Variants in PCID2 observed in about 807,000 individuals in gnomAD.
PCID2 encodes PCI domain-containing protein 2.
In PCID2, 41 loss-of-function variants were observed where a neutral mutation model predicts 61.3. The observed-to-expected ratio is 0.67, with a 90% CI of 0.52 to 0.87. The LOEUF (loss-of-function observed/expected upper bound fraction) is 0.87. Among genes scored for constraint, PCID2 ranks in the 40% least tolerant of loss-of-function variants. The probability of loss-of-function intolerance (pLI) is 0.00; values close to 1 mark genes in which losing one functional copy is unlikely to be tolerated. For synonymous variants in PCID2, 187 were observed against 177.8 expected (o/e 1.05, Z -0.41); for missense variants, 392 against 493.4 (o/e 0.79, Z 1.95).
At chr13:113,184,306 T>C (rs367757904) in intron 9 of PCID2, 40 bp downstream of exon 9, 90 of 1,558,552 alleles carry the variant, frequency 5.8e-5, no homozygotes, top group Non-Finnish European at 7.0e-5. Context: ...GAATGCAATG[T>C]CTTATTTAAA....
chr13:113,197,302 C>T, intron 3 of PCID2, 59 bp from the exon 4 acceptor site: 1 of 1,198,066 alleles, frequency 8.3e-7, no homozygotes, highest in Non-Finnish European at 1.2e-6. Flanking sequence ...AGTTATGCAG[C>T]CCACACAGCT....
At chr13:113,190,750 G>T in intron 7 of PCID2, 122 bp downstream of exon 7, 1 of 509,308 alleles carries the variant, frequency 2.0e-6, no homozygotes, top group South Asian at 3.8e-5. Flanking sequence ...AATGGTTGTG[G>T]GATTATAGCA....
At chr13:113,170,934 T>C in the PCID2 span, among the ~76,000 whole-genome samples, 2 of 151,964 alleles carry the variant, frequency 1.3e-5, no homozygotes, top group Admixed American at 6.6e-5. Flanking sequence ...CTTTCTTTTT[T>C]TTTTTTGAGA....
chr13:113,166,979 C>A, the PCID2 span, among the ~76,000 whole-genome samples: 4 of 152,202 alleles, frequency 2.6e-5, no homozygotes, highest in Non-Finnish European at 5.9e-5. Flanking sequence ...AGACAGAGGA[C>A]ACTGACTTAG....
chr13:113,190,742 T>C lies in PCID2; in HGVS notation c.467+130A>G, dbSNP rs149515119. On this transcript the variant is annotated intron_variant, in intron 7 of 13. Transcript: ENST00000337344. ...CAACTTTTTAAAGCAAAAATAACAA[T>C]GGTTGTGGGATTATAGCATGTGTAG... 2.3e-3 allele frequency: 1,114 copies of C among 474,966 alleles called. 7 individuals carry two copies. The highest frequency in any genetic ancestry group is 0.016 in the African/African-American group (810 of 49,858). 29.4% of individuals were successfully genotyped at this position (474,966 alleles called of 1,614,324 possible). A position where few individuals can be genotyped will look rare whatever the true frequency, so the allele number is the denominator to read the frequency against.
At chr13:113,189,972 G>A (rs945188173) in intron 7 of PCID2, among the ~76,000 whole-genome samples, 10 of 151,734 alleles carry the variant, frequency 6.6e-5, no homozygotes, top group Admixed American at 4.6e-4. Context: ...GCAGTGAGCT[G>A]AGATGGCACC....
At position 113,180,237 on chromosome 13, in the gene PCID2, A is replaced by C. The variant is rs1208438507; in HGVS notation, c.787-6T>G. The C allele has an allele frequency of 6.2e-7, 1 of 1,606,992 alleles. No homozygotes were observed. The highest frequency in any genetic ancestry group is 8.5e-7 in the Non-Finnish European group (1 of 1,173,690). ...TCCACAGTGGGCATGTGACCCTAAGAGTCAATTTTCCAGAATGAAAATGCT... is the reference window on the plus strand; with the variant it reads ...TCCACAGTGGGCATGTGACCCTAAGCGTCAATTTTCCAGAATGAAAATGCT... On this transcript the variant is annotated splice_polypyrimidine_tract_variant and splice_region_variant and intron_variant, in intron 10 of 13. Transcript: ENST00000337344.
chr13:113,172,114 C>T, the PCID2 span: 1 of 1,611,964 alleles, frequency 6.2e-7, no homozygotes, highest in East Asian at 2.2e-5. Context: ...AACTGAAACT[C>T]AGCTAGCCAG....
At chr13:113,169,503 G>A in the PCID2 span, among the ~76,000 whole-genome samples, 3 of 152,138 alleles carry the variant, frequency 2.0e-5, no homozygotes, top group Non-Finnish European at 4.4e-5. Flanking sequence ...ATTTTATCCT[G>A]TTAGGTGCTG....
chr13:113,190,305 G>A (rs2038505875), intron 7 of PCID2, among the ~76,000 whole-genome samples: 1 of 149,028 alleles, frequency 6.7e-6, no homozygotes, highest in African/African-American at 2.5e-5. Flanking sequence ...GAAAATCATA[G>A]CCAGAGGAAA....
Position 113,178,248 on chromosome 13 carries a change from G to C in PCID2, c.1150C>G (p.Leu384Val), listed in dbSNP as rs764076343. 1.2e-6 allele frequency: 2 copies of C among 1,613,688 alleles called. No homozygotes were observed. Among genetic ancestry groups the C allele is most frequent in the Admixed American group, 1.7e-5 (1 of 59,994 alleles). ...KGYISHQHQK[L>V]VVSKQNPFPP... is the part of the protein sequence containing the mutation. ...AATGGGTTCTGCTTGCTGACCACCA[G>C]CTTCTGATGCTGATGCGATATGTAG... The change falls in exon 14 of 14, where the codon CTG becomes GTG. Residue 384 changes from leucine to valine, a missense_variant. Physicochemically the swap from Leu to Val is conservative, Grantham distance 32. Transcript: ENST00000337344.
In PCID2 at chr13:113,180,000, G is replaced by C; in HGVS notation, c.903C>G (p.His301Gln). ...TTCCGCAGCGAATGAAGAAGGCCTC[G>C]TGCTTCGCCAGCGCCTCGTGCAGCA... is the stretch of plus-strand genomic sequence containing the variant. Reference protein sequence around the residue: ...LLLLHEALAKHEAFFIRCGIF... With the variant: ...LLLLHEALAKQEAFFIRCGIF... The change falls in exon 12 of 14, where the codon CAC (histidine) becomes CAG (glutamine). Residue 301 changes from histidine to glutamine, a missense_variant. His to Gln is a conservative substitution (Grantham distance 24, BLOSUM62 0). This residue lies in a region of PCID2 where 226 missense variants were observed against 296.5 expected (regional missense o/e 0.76). Transcript: ENST00000337344. The surrounding 1 kb of genome is among the most constrained non-coding windows in gnomAD (Gnocchi z 4.3). The C allele has an allele frequency of 6.2e-7, 1 of 1,614,118 alleles. No individual in the cohort carries two copies. Among genetic ancestry groups the C allele is most frequent in the Non-Finnish European group, 8.5e-7 (1 of 1,179,996 alleles).
chr13:113,187,884 T>C (rs2038258441), intron 7 of PCID2: 1 of 152,206 alleles, frequency 6.6e-6, no homozygotes, highest in African/African-American at 2.4e-5. Context: ...GCTTTTGTTG[T>C]CGTATCTGAG....
intron 5 of PCID2, 104 bp downstream of exon 5, chr13:113,196,077 T>C (rs2038990993): frequency 8.6e-6 from 7 of 813,352 alleles, no homozygotes; most frequent in Non-Finnish European, 1.5e-5. Flanking sequence ...TTACCAAATA[T>C]CCACATGGAA....
At position 113,178,986 on chromosome 13, in the gene PCID2, G is replaced by A. The variant is rs1766677653; in HGVS notation, c.1090C>T (p.Leu364=). ...CACACCATGTATATCAAGTTAGCCAGAATACACTGAACTTCGTCAATGTCC... is the reference window on the plus strand; with the variant it reads ...CACACCATGTATATCAAGTTAGCCAAAATACACTGAACTTCGTCAATGTCC... ...DVDIDEVQCI[L]ANLIYMGHVK... Residue 364 remains leucine (L), a synonymous_variant, in exon 13 of 14, where the codon CTG becomes TTG. Coordinates refer to ENST00000337344, the MANE Select transcript of PCID2 (RefSeq NM_001127202.4). 1.2e-6 allele frequency: 2 copies of A among 1,613,762 alleles called. No individual in the cohort carries two copies. The highest frequency in any genetic ancestry group is 1.7e-6 in the Non-Finnish European group (2 of 1,179,886).
the PCID2 span, chr13:113,165,326 C>T: frequency 6.1e-6 from 4 of 654,016 alleles, no homozygotes; most frequent in South Asian, 6.8e-5. Flanking sequence ...GCATTATTTA[C>T]AGCCCCCAAG....
intron 7 of PCID2, among the ~76,000 whole-genome samples, chr13:113,190,032 A>G (rs1023363864): frequency 1.3e-5 from 2 of 152,138 alleles, no homozygotes; most frequent in South Asian, 4.1e-4. Context: ...TCAAAAAAAA[A>G]AAAGATTAAA....
the PCID2 span, chr13:113,172,349 TA>T: frequency 3.6e-6 from 2 of 550,776 alleles, no homozygotes; most frequent in Non-Finnish European, 3.2e-6. Flanking sequence ...TGAGATACGT[TA>T]AATAATAAAA....
At chr13:113,166,752 C>T in the PCID2 span, among the ~76,000 whole-genome samples, 1 of 152,176 alleles carries the variant, frequency 6.6e-6, no homozygotes, top group Non-Finnish European at 1.5e-5. Context: ...CCCATGAGTG[C>T]GCTGAGGGTC....
Sources: gnomAD v4.1 joint callset for allele counts (sites outside exome capture counted in the v4.1 genomes callset) on GRCh38, gnomAD v4.1.1 for gene constraint, gnomAD v4.1.1 regional missense constraint, Gnocchi (gnomAD v3.1) non-coding constraint, MANE v1.5 for transcripts, NCBI Gene and HGNC (gene_info 2026-07-23, HGNC 2026-07-21) for gene names.